TRAT1: variants seen among roughly 807,000 people sequenced by gnomAD.
TRAT1 encodes the protein T cell receptor associated transmembrane adaptor 1.
A neutral mutation model predicts 20.0 loss-of-function variants in TRAT1; 20 were observed. The ratio of observed to expected loss-of-function variants is 1.00; its 90% confidence interval spans 0.70 to 1.45. The LOEUF is 1.45. Ranked by LOEUF, TRAT1 falls within the 40% of genes most tolerant of loss-of-function variation. The pLI, the probability that TRAT1 is intolerant of heterozygous loss-of-function variation, is 0.00. For missense variants in TRAT1, 237 were observed against 224.1 expected (o/e 1.06, Z -0.37); for synonymous variants, 77 against 74.2 (o/e 1.04, Z -0.20).
chr3:108,826,826 T>C (rs1293277578), intron 1 of TRAT1, among the ~76,000 whole-genome samples: 2 of 152,314 alleles, frequency 1.3e-5, no homozygotes, highest in Non-Finnish European at 2.9e-5. Context: ...GTAAAAACAA[T>C]TAAGGCATTA....
At chr3:108,836,078 C>A (rs1945838668) in intron 2 of TRAT1, among the ~76,000 whole-genome samples, 1 of 151,882 alleles carries the variant, frequency 6.6e-6, no homozygotes, top group Admixed American at 6.6e-5. Flanking sequence ...TGCCACCATG[C>A]CCAGCTAATT....
At chr3:108,843,402 C>T (rs1381021731) in intron 3 of TRAT1, among the ~76,000 whole-genome samples, 6 of 152,040 alleles carry the variant, frequency 3.9e-5, no homozygotes, top group African/African-American at 1.2e-4. Context: ...TGTCGTCATG[C>T]GCCTGTAGTC....
intron 1 of TRAT1, among the ~76,000 whole-genome samples, chr3:108,828,376 A>G (rs1291351897): frequency 6.6e-6 from 1 of 152,166 alleles, no homozygotes; most frequent in African/African-American, 2.4e-5. Flanking sequence ...TAACAGTATG[A>G]AAGATAACCA....
At chr3:108,825,426 T>A (rs924479170) in intron 1 of TRAT1, among the ~76,000 whole-genome samples, 12 of 152,012 alleles carry the variant, frequency 7.9e-5, no homozygotes, top group East Asian at 1.9e-4. Flanking sequence ...TCATTTTTTT[T>A]AAAAAAAAGG....
At chr3:108,826,337 A>G (rs1046490601) in intron 1 of TRAT1, among the ~76,000 whole-genome samples, 2 of 152,102 alleles carry the variant, frequency 1.3e-5, no homozygotes, top group Non-Finnish European at 1.5e-5. Flanking sequence ...ACTCCCCAAC[A>G]CACACCATTT....
intron 2 of TRAT1, among the ~76,000 whole-genome samples, chr3:108,833,311 G>A (rs1280816161): frequency 5.3e-5 from 8 of 152,090 alleles, no homozygotes; most frequent in Non-Finnish European, 7.4e-5. Flanking sequence ...CCAGCTACTC[G>A]GGAGGCTGAG....
intron 1 of TRAT1, among the ~76,000 whole-genome samples, chr3:108,828,304 A>G (rs1431159785): frequency 6.6e-6 from 1 of 152,162 alleles, no homozygotes; most frequent in Non-Finnish European, 1.5e-5. Flanking sequence ...CTAGAGATTT[A>G]TTATTATTTT....
At position 108,849,302 on chromosome 3, in the gene TRAT1, G is replaced by C. The variant is rs1945975256; in HGVS notation, c.303+48G>C. On this transcript the variant is annotated intron_variant, in intron 5 of 5. Coordinates refer to ENST00000295756, the MANE Select transcript of TRAT1 (RefSeq NM_016388.4). ...ACATTTGCACATTTCAAGAGCATAAGAGTAGTACATTATGATACACATCTG... is the reference window on the plus strand; with the variant it reads ...ACATTTGCACATTTCAAGAGCATAACAGTAGTACATTATGATACACATCTG... 3 of 1,484,714 alleles carry C rather than the reference G, an allele frequency of 2.0e-6. No homozygotes were observed. The East Asian group carries it at 6.8e-5, about 34-fold the overall frequency. 92.0% of individuals were successfully genotyped at this position (1,484,714 alleles called of 1,614,324 possible). A position where few individuals can be genotyped will look rare whatever the true frequency, so the allele number is the denominator to read the frequency against.
At chr3:108,838,391 TAGATAGATAGATAGAG>T (rs1559822547) in intron 2 of TRAT1, among the ~76,000 whole-genome samples, 3 of 142,126 alleles carry the variant, frequency 2.1e-5, no homozygotes, top group Non-Finnish European at 3.1e-5. Context: ...GATAGATAGA[TAGATAGATAGATAGAG>T]ATTGATAAAA....
At chr3:108,845,600 T>C (rs997518993) in intron 3 of TRAT1, among the ~76,000 whole-genome samples, 10 of 152,362 alleles carry the variant, frequency 6.6e-5, no homozygotes, top group South Asian at 2.1e-4. Context: ...ACAGGTATCA[T>C]TTGAACTGTT....
chr3:108,846,713 A>G (rs1272369467), intron 3 of TRAT1, among the ~76,000 whole-genome samples: 2 of 152,190 alleles, frequency 1.3e-5, no homozygotes, highest in Non-Finnish European at 2.9e-5. Flanking sequence ...TCTTATCTGC[A>G]TAAGGAGGAT....
chr3:108,845,340 T>C (rs1332684083), intron 3 of TRAT1, among the ~76,000 whole-genome samples: 2 of 152,364 alleles, frequency 1.3e-5, no homozygotes, highest in African/African-American at 2.4e-5. Context: ...TTTTTGGACA[T>C]GATTTATCAT....
At chr3:108,835,532 G>A (rs1219710613) in intron 2 of TRAT1, among the ~76,000 whole-genome samples, 2 of 152,014 alleles carry the variant, frequency 1.3e-5, no homozygotes, top group African/African-American at 2.4e-5. Context: ...TTCTCACTAC[G>A]GCTCATTTAA....
intron 3 of TRAT1, among the ~76,000 whole-genome samples, chr3:108,839,958 T>TA (rs924855889): frequency 8.9e-4 from 131 of 147,162 alleles, no homozygotes; most frequent in Middle Eastern, 6.9e-3. Context: ...GTTTTAGGGG[T>TA]AAAAAAAAAA....
rs150010837 is a variant in TRAT1 at position 108,840,710 on chromosome 3, G to T, written c.152+1743G>T. ...AACCACCAGGAATAGGAGTCTGAGC[G>T]CTTCAGCCCACTGTGTCTTGGGATG... is the stretch of plus-strand genomic sequence containing the variant. On this transcript the variant is annotated intron_variant, in intron 3 of 5. Transcript: ENST00000295756. 1.4e-3 allele frequency among the ~76,000 whole-genome samples: 210 copies of T among 152,308 alleles called. 1 individual carries two copies. The highest frequency in any genetic ancestry group is 6.8e-3 in the Middle Eastern group (2 of 294).
chr3:108,839,082 A>C (rs745516343), intron 3 of TRAT1, 115 bp downstream of exon 3: 15 of 807,206 alleles, frequency 1.9e-5, no homozygotes, highest in Non-Finnish European at 2.5e-5. Context: ...AATGAAATGA[A>C]AAGTGAGTTT....
intron 3 of TRAT1, 95 bp downstream of exon 3, chr3:108,839,062 C>T (rs1945867811): frequency 1.1e-6 from 1 of 929,556 alleles, no homozygotes; most frequent in Non-Finnish European, 1.7e-6. Context: ...GGATATTGTA[C>T]TTAGGTTAAA....
At chr3:108,849,398 A>G in intron 5 of TRAT1, 144 bp downstream of exon 5, 1 of 615,782 alleles carries the variant, frequency 1.6e-6, no homozygotes, top group Non-Finnish European at 2.9e-6. Context: ...ACTCAGGGTC[A>G]TGTAAACAGA....
chr3:108,846,457 T>C (rs1218301582), intron 3 of TRAT1, among the ~76,000 whole-genome samples: 1 of 152,202 alleles, frequency 6.6e-6, no homozygotes, highest in Admixed American at 6.5e-5. Flanking sequence ...ATACAATGTA[T>C]GTAAAACACC....
Sources: gnomAD v4.1 joint callset for allele counts (sites outside exome capture counted in the v4.1 genomes callset) on GRCh38, gnomAD v4.1.1 for gene constraint, MANE v1.5 for transcripts, NCBI Gene and HGNC (gene_info 2026-07-23, HGNC 2026-07-21) for gene names.